Variants in CTNND2 observed in about 807,000 individuals in gnomAD.
CTNND2 encodes the protein catenin delta 2.
Under a neutral mutation model 144.4 loss-of-function variants are expected in CTNND2, and 22 were observed. That is an observed-to-expected ratio of 0.15 (90% CI 0.11 to 0.22). The LOEUF is 0.22. Among genes scored for constraint, CTNND2 ranks in the 10% least tolerant of loss-of-function variants. The pLI, the probability that CTNND2 is intolerant of heterozygous loss-of-function variation, is 1.00. For missense variants in CTNND2, 1,353 were observed against 1,618.8 expected (o/e 0.84, Z 2.82); for synonymous variants, 751 against 695.6 (o/e 1.08, Z -1.25).
chr5:11,192,705 C>A (rs1580545234), intron 11 of CTNND2, among the ~76,000 whole-genome samples: 1 of 152,274 alleles, frequency 6.6e-6, no homozygotes, highest in South Asian at 2.1e-4. Flanking sequence ...AATGGACTGT[C>A]CCCTAGAGCG....
chr5:11,414,854 G>C (rs1046104259), intron 3 of CTNND2, among the ~76,000 whole-genome samples: 2 of 152,144 alleles, frequency 1.3e-5, no homozygotes, highest in African/African-American at 4.8e-5. Context: ...TGCAGTCTTT[G>C]GTTTTCTGTC....
chr5:11,514,589 A>G (rs1771992186), intron 3 of CTNND2, among the ~76,000 whole-genome samples: 1 of 152,180 alleles, frequency 6.6e-6, no homozygotes, highest in Admixed American at 6.5e-5. Context: ...AAAATATAAA[A>G]ATTTCTTCGT....
chr5:11,334,364 A>G (rs542323363), intron 9 of CTNND2, among the ~76,000 whole-genome samples: 114 of 152,338 alleles, frequency 7.5e-4, no homozygotes, highest in African/African-American at 2.5e-3. Flanking sequence ...GTAATTTTAC[A>G]TTACTCGTTC....
chr5:11,200,919 T>C (rs1737366697), intron 10 of CTNND2, among the ~76,000 whole-genome samples: 1 of 145,936 alleles, frequency 6.9e-6, no homozygotes. Context: ...GACCTCGTGA[T>C]CCGCCCGCCT....
chr5:11,116,772 G>A (rs1031577943), intron 13 of CTNND2, among the ~76,000 whole-genome samples: 35 of 152,034 alleles, frequency 2.3e-4, no homozygotes, highest in Non-Finnish European at 4.3e-4. Flanking sequence ...TATTCAAATC[G>A]CAAATCTGGG....
In CTNND2 at chr5:11,542,182, C is replaced by T. The variant is rs188398264; in HGVS notation, c.287+22762G>A. Among the ~76,000 whole-genome samples, 71 of 152,192 alleles carry T rather than the reference C, an allele frequency of 4.7e-4. No homozygotes were observed. The East Asian group carries it at 7.7e-3, about 17-fold the overall frequency. Reference sequence around the variant, plus strand: ...AACAAACACAATCAATAATGAACTGCGCCAGATTCTAACCCGGATCCCTGC... The same window carrying T: ...AACAAACACAATCAATAATGAACTGTGCCAGATTCTAACCCGGATCCCTGC... On this transcript the variant is annotated intron_variant, in intron 3 of 21. Coordinates refer to ENST00000304623, the MANE Select transcript of CTNND2 (RefSeq NM_001332.4).
intron 11 of CTNND2, among the ~76,000 whole-genome samples, chr5:11,188,792 G>A (rs532138589): frequency 2.6e-5 from 4 of 152,180 alleles, no homozygotes; most frequent in South Asian, 4.2e-4. Context: ...ATACAGCTGC[G>A]TTATCACCTT....
intron 14 of CTNND2, among the ~76,000 whole-genome samples, chr5:11,102,668 AT>A (rs1403323612): frequency 6.6e-6 from 1 of 152,216 alleles, no homozygotes; most frequent in Admixed American, 6.5e-5. Flanking sequence ...GAAAATATGT[AT>A]TCTTTCATTA....
chr5:11,143,912 C>G (rs36002204), intron 12 of CTNND2, among the ~76,000 whole-genome samples: 6,762 of 150,936 alleles, frequency 0.045, 311 homozygotes, highest in East Asian at 0.082. Flanking sequence ...CAGGTCTACA[C>G]CAGCTAGGGG....
At chr5:11,860,416 G>A (rs1382804933) in intron 1 of CTNND2, among the ~76,000 whole-genome samples, 2 of 152,146 alleles carry the variant, frequency 1.3e-5, no homozygotes, top group Non-Finnish European at 2.9e-5. Flanking sequence ...TAACACAGAG[G>A]TTTATAACCA....
At chr5:11,606,537 G>A (rs1780054935) in intron 2 of CTNND2, among the ~76,000 whole-genome samples, 1 of 152,026 alleles carries the variant, frequency 6.6e-6, no homozygotes. Flanking sequence ...CATTTGGGGA[G>A]AAAAATGGAA....
intron 9 of CTNND2, among the ~76,000 whole-genome samples, chr5:11,259,023 C>T (rs1580730746): frequency 2.0e-5 from 3 of 152,146 alleles, no homozygotes; most frequent in Admixed American, 2.0e-4. Context: ...CACAAATCCA[C>T]AAGTTGCCCT....
chr5:11,831,170 T>C (rs557978944), intron 1 of CTNND2, among the ~76,000 whole-genome samples: 1 of 151,248 alleles, frequency 6.6e-6, no homozygotes, highest in East Asian at 1.9e-4. Context: ...TTCCGGCATA[T>C]ATTTATGTAG....
intron 16 of CTNND2, among the ~76,000 whole-genome samples, chr5:11,064,380 A>G (rs1204226427): frequency 6.6e-6 from 1 of 152,156 alleles, no homozygotes. Flanking sequence ...GATAACAATC[A>G]TATAGACTGT....
At chr5:11,877,734 C>G (rs1361689819) in intron 1 of CTNND2, among the ~76,000 whole-genome samples, 1 of 151,988 alleles carries the variant, frequency 6.6e-6, no homozygotes, top group Non-Finnish European at 1.5e-5. Flanking sequence ...TCATCATCAT[C>G]ATCATCATCA....
chr5:11,489,194 C>T (rs1366190094), intron 3 of CTNND2, among the ~76,000 whole-genome samples: 1 of 152,158 alleles, frequency 6.6e-6, no homozygotes, highest in East Asian at 1.9e-4. Flanking sequence ...ACTTGCTCCA[C>T]ATTCTCTCCA....
intron 8 of CTNND2, among the ~76,000 whole-genome samples, chr5:11,353,228 G>A (rs1755511125): frequency 6.6e-6 from 1 of 152,126 alleles, no homozygotes; most frequent in African/African-American, 2.4e-5. Context: ...CTACATGGCA[G>A]GTACTACTAT....
At chr5:11,358,311 A>T (rs1343577391) in intron 8 of CTNND2, among the ~76,000 whole-genome samples, 1 of 152,190 alleles carries the variant, frequency 6.6e-6, no homozygotes, top group Non-Finnish European at 1.5e-5. Context: ...TCAACTAAAC[A>T]ATTAGACTTC....
chr5:11,113,929 G>A (rs1387501137), intron 13 of CTNND2, among the ~76,000 whole-genome samples: 1 of 152,170 alleles, frequency 6.6e-6, no homozygotes, highest in Non-Finnish European at 1.5e-5. Context: ...CAGTTTTCAG[G>A]AAATATCTCT....
Sources: gnomAD v4.1 joint callset for allele counts (sites outside exome capture counted in the v4.1 genomes callset) on GRCh38, gnomAD v4.1.1 for gene constraint, MANE v1.5 for transcripts, NCBI Gene and HGNC (gene_info 2026-07-23, HGNC 2026-07-21) for gene names.